Variants in EGFR observed in about 807,000 individuals in gnomAD.
The protein encoded by EGFR is avian erythroblastic leukemia viral (v-erb-b) oncogene homolog.
Under a neutral mutation model 143.0 loss-of-function variants are expected in EGFR, and 58 were observed. That is an observed-to-expected ratio of 0.41 (90% confidence interval 0.33 to 0.50). The LOEUF (loss-of-function observed/expected upper bound fraction) is 0.50, where lower values mean the gene tolerates loss of function less well. Among genes scored for constraint, EGFR ranks in the 20% least tolerant of loss-of-function variants. The pLI, the probability that EGFR is intolerant of heterozygous loss-of-function variation, is 0.39. For missense variants in EGFR, 1,307 were observed against 1,579.0 expected, an observed-to-expected ratio of 0.83 and a Z score of 2.92; for synonymous variants, 613 against 594.4, an observed-to-expected ratio of 1.03 and a Z score of -0.45.
At position 55,205,875 on chromosome 7, in the gene EGFR, T is replaced by G. The variant is rs1399143578; in HGVS notation, c.*258T>G. The stretch of plus-strand genomic sequence containing the variant: ...GAATATTGTCCCTTTGAGCAGAAAT[T>G]TATCTTTCAAAGAGGTATATTTGAA... On this transcript the variant is annotated 3_prime_UTR_variant, in exon 28 of 28. Coordinates refer to ENST00000275493, the MANE Select transcript of EGFR (RefSeq NM_005228.5). 9.1e-6 allele frequency: 5 copies of G among 550,518 alleles called. No individual in the cohort carries two copies. The East Asian group carries it at 1.2e-4, about 14-fold the overall frequency. 34.1% of individuals were successfully genotyped at this position (550,518 alleles called of 1,614,324 possible).
At chr7:55,168,618 C>A (rs1372679994) in intron 15 of EGFR, 2 of 1,589,058 alleles carry the variant, frequency 1.3e-6, no homozygotes. Flanking sequence ...AAATAAAGTC[C>A]TGACACTATT....
At chr7:55,138,101 C>G (rs1478765426) in intron 1 of EGFR, among the ~76,000 whole-genome samples, 1 of 152,180 alleles carries the variant, frequency 6.6e-6, no homozygotes, top group Non-Finnish European at 1.5e-5. Flanking sequence ...CCATATCTGA[C>G]AGACAGAAAA....
intron 1 of EGFR, among the ~76,000 whole-genome samples, chr7:55,049,607 C>T (rs1788368949): frequency 6.6e-6 from 1 of 152,080 alleles, no homozygotes; most frequent in South Asian, 2.1e-4. Context: ...ACTGCAGACC[C>T]TCTCCTCCCC....
chr7:55,062,204 G>GCT (rs1789226338), intron 1 of EGFR, among the ~76,000 whole-genome samples: 1 of 152,228 alleles, frequency 6.6e-6, no homozygotes, highest in Non-Finnish European at 1.5e-5. Flanking sequence ...AGCACCAGCA[G>GCT]CTCTCAAGAC....
intron 22 of EGFR, among the ~76,000 whole-genome samples, chr7:55,193,700 C>T (rs1166742239): frequency 6.6e-6 from 1 of 152,232 alleles, no homozygotes; most frequent in Non-Finnish European, 1.5e-5. Flanking sequence ...GTCGCCTCAC[C>T]TCTCTAGAAA....
chr7:55,186,463 C>A (rs1194324596), intron 20 of EGFR, among the ~76,000 whole-genome samples: 1 of 152,240 alleles, frequency 6.6e-6, no homozygotes, highest in Non-Finnish European at 1.5e-5. Context: ...CCCGTCTGCA[C>A]TGGGCCAGAG....
chr7:55,111,616 T>C (rs868208761), intron 1 of EGFR, among the ~76,000 whole-genome samples: 1 of 152,196 alleles, frequency 6.6e-6, no homozygotes, highest in Non-Finnish European at 1.5e-5. Context: ...ACTTGATATG[T>C]AGCAAGCTGG....
chr7:55,040,391 T>TG (rs1275144547), intron 1 of EGFR, among the ~76,000 whole-genome samples: 6 of 152,176 alleles, frequency 3.9e-5, no homozygotes, highest in African/African-American at 1.4e-4. Flanking sequence ...AAGGTGGGGT[T>TG]GGAAGATCTG....
At chr7:55,142,858 C>A (rs75773807) in intron 2 of EGFR, among the ~76,000 whole-genome samples, 1 of 152,308 alleles carries the variant, frequency 6.6e-6, no homozygotes, top group East Asian at 1.9e-4. Context: ...TCACGATAGG[C>A]GCTAATGACC....
chr7:55,083,801 C>A (rs1274836645), intron 1 of EGFR, among the ~76,000 whole-genome samples: 3 of 152,128 alleles, frequency 2.0e-5, no homozygotes, highest in African/African-American at 4.8e-5. Context: ...TAAAATGAAA[C>A]CCATTGTCTC....
intron 1 of EGFR, among the ~76,000 whole-genome samples, chr7:55,094,388 C>T (rs998329566): frequency 6.6e-6 from 1 of 152,196 alleles, no homozygotes; most frequent in African/African-American, 2.4e-5. Context: ...TGTGCAGCCT[C>T]CTGCCACCCA....
intron 11 of EGFR, among the ~76,000 whole-genome samples, chr7:55,159,439 A>G (rs1048234023): frequency 5.3e-5 from 8 of 152,188 alleles, no homozygotes; most frequent in African/African-American, 1.9e-4. Flanking sequence ...GGACCACCCA[A>G]TAGCATCCTA....
At chr7:55,077,993 G>A (rs1401011910) in intron 1 of EGFR, among the ~76,000 whole-genome samples, 9 of 152,094 alleles carry the variant, frequency 5.9e-5, no homozygotes, top group Non-Finnish European at 1.0e-4. Context: ...CGCCGTGGGT[G>A]TGGAGGGGGA....
At chr7:55,170,722 T>A in intron 15 of EGFR, 1 of 1,500,900 alleles carries the variant, frequency 6.7e-7, no homozygotes, top group Non-Finnish European at 8.8e-7. Context: ...TCCTCCTCGC[T>A]GCCAGATGAT....
intron 2 of EGFR, among the ~76,000 whole-genome samples, 199 bp from the exon 3 acceptor site, chr7:55,143,106 C>T (rs572471351): frequency 6.6e-6 from 1 of 152,302 alleles, no homozygotes; most frequent in South Asian, 2.1e-4. Flanking sequence ...CAAAGGCTAA[C>T]GTGCAGGGAT....
chr7:55,120,145 C>T (rs1036984571), intron 1 of EGFR, among the ~76,000 whole-genome samples: 3 of 152,216 alleles, frequency 2.0e-5, no homozygotes, highest in Non-Finnish European at 4.4e-5. Flanking sequence ...TGTTGCATCG[C>T]TGTGTCTCTC....
At chr7:55,090,314 A>G (rs1270998449) in intron 1 of EGFR, among the ~76,000 whole-genome samples, 1 of 152,136 alleles carries the variant, frequency 6.6e-6, no homozygotes, top group African/African-American at 2.4e-5. Flanking sequence ...ACTTCAAATG[A>G]TCTCCAGGGT....
At chr7:55,096,903 A>G (rs1022127868) in intron 1 of EGFR, among the ~76,000 whole-genome samples, 1 of 152,162 alleles carries the variant, frequency 6.6e-6, no homozygotes, top group Non-Finnish European at 1.5e-5. Context: ...AGGCTAGCAC[A>G]TGTGCTTGGG....
At chr7:55,172,133 T>C (rs1386726913) in intron 16 of EGFR, among the ~76,000 whole-genome samples, 2 of 152,186 alleles carry the variant, frequency 1.3e-5, no homozygotes, top group African/African-American at 4.8e-5. Flanking sequence ...TCACGGGGCT[T>C]TCCACCATGT....
Sources: gnomAD v4.1 joint callset for allele counts (sites outside exome capture counted in the v4.1 genomes callset) on GRCh38, gnomAD v4.1.1 for gene constraint, MANE v1.5 for transcripts, NCBI Gene and HGNC (gene_info 2026-07-23, HGNC 2026-07-21) for gene names.